Variants in SNX27 observed in about 807,000 individuals in gnomAD.
SNX27 encodes the protein sorting nexin-27.
SNX27 carries 22 observed loss-of-function variants against 71.6 expected under a neutral mutation model. That is an observed-to-expected ratio of 0.31 (90% CI 0.22 to 0.44). The LOEUF (loss-of-function observed/expected upper bound fraction) is 0.44. Among genes scored for constraint, SNX27 ranks in the 20% least tolerant of loss-of-function variants. SNX27 has a pLI of 1.00. For missense variants in SNX27, 531 were observed against 698.6 expected (o/e 0.76, Z 2.70); for synonymous variants, 269 against 277.2 (o/e 0.97, Z 0.29).
intron 1 of SNX27, among the ~76,000 whole-genome samples, chr1:151,625,873 G>A (rs1207957417): frequency 6.6e-6 from 1 of 151,816 alleles, no homozygotes; most frequent in African/African-American, 2.4e-5. Flanking sequence ...GCTTGAGCCT[G>A]GGAGGCAGAG....
chr1:151,658,528 T>C, intron 3 of SNX27, 101 bp downstream of exon 3: 1 of 1,192,046 alleles, frequency 8.4e-7, no homozygotes, highest in South Asian at 1.5e-5. Flanking sequence ...CAATAGTGAA[T>C]GTAAGTCAGG....
rs1328654010 is a variant in SNX27, at chr1:151,666,031, A to G, written c.985+20A>G. 3 of 1,592,166 alleles carry G rather than the reference A, an allele frequency of 1.9e-6. No homozygotes were observed. The highest frequency in any genetic ancestry group is 1.7e-6 in the Non-Finnish European group (2 of 1,163,712). On this transcript the variant is annotated intron_variant, in intron 6 of 11. Transcript: ENST00000458013. ...CCTTTGGTAAGTACCAGTGGCTGAT[A>G]CTAAGTTTTGTTTTCTAATACTATG...
chr1:151,625,068 T>C (rs1044481364), intron 1 of SNX27, among the ~76,000 whole-genome samples: 1 of 152,162 alleles, frequency 6.6e-6, no homozygotes, highest in African/African-American at 2.4e-5. Flanking sequence ...ATTTGACAAG[T>C]TATTTATTCT....
chr1:151,668,727 G>GAGCAAAGCAGCCTGT, intron 7 of SNX27, 92 bp downstream of exon 7: 4 of 1,158,638 alleles, frequency 3.5e-6, no homozygotes, highest in South Asian at 1.7e-5. Flanking sequence ...CCTTAGACAG[G>GAGCAAAGCAGCCTGT]CTGCTTTGCT....
At position 151,692,601 on chromosome 1, in the gene SNX27, G is replaced by A. The variant is rs185748265; in HGVS notation, c.1389+17G>A. 1.3e-4 allele frequency: 216 copies of A among 1,605,734 alleles called. 2 individuals carry two copies. In the East Asian group the frequency reaches 4.5e-3, roughly 34 times the overall value. ...CAGCTGGAGGTGAGTTTTCAGCATA[G>A]GGCTCTGGCTGCGAGGACTGGAGAT... On this transcript the variant is annotated intron_variant, in intron 9 of 11. Transcript: ENST00000458013.
intron 1 of SNX27, among the ~76,000 whole-genome samples, chr1:151,638,406 T>C (rs1322428445): frequency 6.6e-6 from 1 of 152,092 alleles, no homozygotes. Context: ...GTCATAACTT[T>C]TTTTGAGTCT....
intron 11 of SNX27, chr1:151,693,812 G>T: frequency 1.4e-6 from 2 of 1,445,240 alleles, no homozygotes; most frequent in Non-Finnish European, 1.8e-6. Context: ...TGACCCACAG[G>T]GGAAGCTGTC....
intron 3 of SNX27, among the ~76,000 whole-genome samples, chr1:151,659,365 G>A (rs975863173): frequency 5.3e-5 from 8 of 151,930 alleles, no homozygotes; most frequent in South Asian, 2.1e-4. Context: ...CTCCTGCCTC[G>A]GCCTCCCGAG....
chr1:151,621,488 A>C (rs1189255795), intron 1 of SNX27, among the ~76,000 whole-genome samples: 1 of 152,228 alleles, frequency 6.6e-6, no homozygotes, highest in Non-Finnish European at 1.5e-5. Context: ...GTCAAACCTC[A>C]GAGCAAGACC....
chr1:151,625,647 C>A (rs190406902), intron 1 of SNX27, among the ~76,000 whole-genome samples: 107 of 151,960 alleles, frequency 7.0e-4, no homozygotes, highest in Admixed American at 3.0e-3. Context: ...ACCAGCTGAT[C>A]AACATGGTGA....
intron 5 of SNX27, chr1:151,662,508 A>C: frequency 4.0e-6 from 1 of 250,602 alleles, no homozygotes; most frequent in South Asian, 4.3e-5. Flanking sequence ...TTGGAGATGG[A>C]GTGTTGCTCT....
chr1:151,644,670 G>A (rs1668953317), intron 2 of SNX27, among the ~76,000 whole-genome samples: 1 of 152,062 alleles, frequency 6.6e-6, no homozygotes, highest in African/African-American at 2.4e-5. Flanking sequence ...TAACTCTTTA[G>A]GTTTAACCTT....
chr1:151,681,342 C>T (rs1345161620), intron 7 of SNX27, among the ~76,000 whole-genome samples: 3 of 148,548 alleles, frequency 2.0e-5, no homozygotes, highest in Admixed American at 6.8e-5. Context: ...CCTGGGTTCA[C>T]GCCATTCTCC....
At chr1:151,674,970 G>A (rs1267410195) in intron 7 of SNX27, among the ~76,000 whole-genome samples, 2 of 152,120 alleles carry the variant, frequency 1.3e-5, no homozygotes, top group East Asian at 3.9e-4. Context: ...ACAGGTGTGA[G>A]CCACCGCGCC....
At chr1:151,670,664 C>T (rs1670419957) in intron 7 of SNX27, among the ~76,000 whole-genome samples, 1 of 151,898 alleles carries the variant, frequency 6.6e-6, no homozygotes, top group African/African-American at 2.4e-5. Flanking sequence ...GTTTGAGCTC[C>T]TTATATATTC....
At chr1:151,643,365 G>C (rs1228440236) in intron 2 of SNX27, among the ~76,000 whole-genome samples, 1 of 151,864 alleles carries the variant, frequency 6.6e-6, no homozygotes, top group Non-Finnish European at 1.5e-5. Context: ...TGCGATCTCG[G>C]CTCACTGCAA....
At chr1:151,677,288 TTGTTTCCTCAAAA>T (rs1670742283) in intron 7 of SNX27, 1 of 152,222 alleles carries the variant, frequency 6.6e-6, no homozygotes, top group African/African-American at 2.4e-5. Context: ...AAGTTGACTT[TTGTTTCCTCAAAA>T]AAAGTTACGT....
intron 1 of SNX27, among the ~76,000 whole-genome samples, chr1:151,623,454 C>T (rs183436060): frequency 5.3e-5 from 8 of 151,750 alleles, no homozygotes; most frequent in Non-Finnish European, 8.8e-5. Context: ...TTAATAGAGA[C>T]GGGGTTTCAC....
At chr1:151,677,321 T>A (rs1054924374) in intron 7 of SNX27, 7 of 152,176 alleles carry the variant, frequency 4.6e-5, no homozygotes, top group African/African-American at 1.7e-4. Context: ...TGGTTTTATG[T>A]TTTATCAATG....
Sources: gnomAD v4.1 joint callset for allele counts (sites outside exome capture counted in the v4.1 genomes callset) on GRCh38, gnomAD v4.1.1 for gene constraint, MANE v1.5 for transcripts, NCBI Gene and HGNC (gene_info 2026-07-23, HGNC 2026-07-21) for gene names.